Variants in DERA observed in about 807,000 individuals in gnomAD.
DERA encodes the protein deoxyribose-phosphate aldolase, also known as 2-deoxy-D-ribose 5-phosphate aldolase.
In DERA, 15 loss-of-function variants were observed where a neutral mutation model predicts 41.1. That is an observed-to-expected ratio of 0.37 (90% CI 0.24 to 0.56). The LOEUF (loss-of-function observed/expected upper bound fraction) is 0.56, where lower values mean the gene tolerates loss of function less well. Among genes scored for constraint, DERA ranks in the 20% least tolerant of loss-of-function variants. DERA has a pLI of 0.81. For synonymous variants in DERA, 139 were observed against 137.4 expected (o/e 1.01, Z -0.08); for missense variants, 396 against 403.4 (o/e 0.98, Z 0.16).
rs998761352 is a variant in DERA, at chr12:15,921,703, T to C, written c.31+10289T>C. On this transcript the variant is annotated intron_variant, in intron 1 of 8. Transcript: ENST00000428559. The surrounding 1 kb of genome is among the most constrained non-coding windows in gnomAD (Gnocchi z 5.3). ...TTGGGAATCTGAGGTGGGCAGATCA[T>C]CTGAGTTCAGGCATTCGAGACCAGC... Among the ~76,000 whole-genome samples the C allele has an allele frequency of 6.6e-6, 1 of 151,998 alleles. No individual in the cohort carries two copies. Among genetic ancestry groups the C allele is most frequent in the African/African-American group, 2.4e-5 (1 of 41,358 alleles).
chr12:16,036,030 C>G lies in DERA; in HGVS notation c.751-202C>G, dbSNP rs1195594397. Among the ~76,000 whole-genome samples, 1 of 152,246 alleles carries G rather than the reference C, an allele frequency of 6.6e-6. No homozygotes were observed. The highest frequency in any genetic ancestry group is 1.9e-4 in the East Asian group (1 of 5,186). ...GTGTCTGTTTGGAAGTAGTGACATT[C>G]TTCCAAAAATCTTGGAAAAGTTGTT... is the stretch of plus-strand genomic sequence containing the variant. On this transcript the variant is annotated intron_variant, in intron 7 of 8. Coordinates refer to ENST00000428559, the MANE Select transcript of DERA (RefSeq NM_015954.4). This position sits in a 1 kb window ranked among gnomAD's most constrained non-coding sequence, Gnocchi z 4.9.
At chr12:15,937,866 AG>A (rs1331405220) in intron 1 of DERA, among the ~76,000 whole-genome samples, 1 of 152,152 alleles carries the variant, frequency 6.6e-6, no homozygotes, top group Non-Finnish European at 1.5e-5. Context: ...TTTTTCATTA[AG>A]TTATGTGTTT....
chr12:15,919,067 T>A (rs186068987), intron 1 of DERA, among the ~76,000 whole-genome samples: 225 of 152,346 alleles, frequency 1.5e-3, no homozygotes, highest in East Asian at 9.6e-3. Context: ...TGGGGCATCC[T>A]TTTGTGAATG....
chr12:15,982,220 T>C lies in DERA; in HGVS notation c.509-88T>C. The C allele has an allele frequency of 7.7e-7, 1 of 1,301,980 alleles. No individual in the cohort carries two copies. Among genetic ancestry groups the C allele is most frequent in the Non-Finnish European group, 1.1e-6 (1 of 949,406 alleles). The allele number at this position is 1,301,980 out of a possible 1,614,324, so 80.7% of individuals were successfully genotyped here. A position where few individuals can be genotyped will look rare whatever the true frequency, so the allele number is the denominator to read the frequency against. ...ACAAATGTTTTATGTTTCCTAAATG[T>C]GAAATGGGTTCCACCAGCTCTAAAC... On this transcript the variant is annotated intron_variant, in intron 5 of 8. Transcript: ENST00000428559. The surrounding 1 kb of genome is among the most constrained non-coding windows in gnomAD (Gnocchi z 4.0).
chr12:16,017,633 C>CTGTTTTGTT lies in DERA; in HGVS notation c.638-14909_638-14908insTGTTTTGTT. ...TATATTGCCCTAAGTGATTTCCAAA[C>CTGTTTTGTT]CTATGTTGAACAAAAGAATACAATA... On this transcript the variant is annotated intron_variant, in intron 6 of 8. Transcript: ENST00000428559. This position sits in a 1 kb window ranked among gnomAD's most constrained non-coding sequence, Gnocchi z 5.5. Among the ~76,000 whole-genome samples, 2 of 152,254 alleles carry CTGTTTTGTT rather than the reference C, an allele frequency of 1.3e-5. No homozygotes were observed. Among genetic ancestry groups the CTGTTTTGTT allele is most frequent in the South Asian group, 4.2e-4 (2 of 4,818 alleles).
In DERA at chr12:16,018,965, A is replaced by G. The variant is rs189443663; in HGVS notation, c.638-13577A>G. ...AACATTTATAGGGATAGCTATTGTA[A>G]TTTGAGATATTTTCTCATAAGATTT... is the stretch of plus-strand genomic sequence containing the variant. On this transcript the variant is annotated intron_variant, in intron 6 of 8. Coordinates refer to ENST00000428559, the MANE Select transcript of DERA (RefSeq NM_015954.4). Among the ~76,000 whole-genome samples the G allele has an allele frequency of 3.3e-5, 5 of 152,262 alleles. No homozygotes were observed. The East Asian group carries it at 9.7e-4, about 29-fold the overall frequency.
intron 1 of DERA, among the ~76,000 whole-genome samples, chr12:15,920,426 C>G (rs759968254): frequency 6.6e-6 from 1 of 152,174 alleles, no homozygotes; most frequent in Non-Finnish European, 1.5e-5. Flanking sequence ...CGTTGCGTTA[C>G]CTTCTTTTCC....
rs199826055 is a variant in DERA at position 16,029,315 on chromosome 12, C to T, written c.638-3227C>T. On this transcript the variant is annotated intron_variant, in intron 6 of 8. Transcript: ENST00000428559. ...GCGGGCGCCTGTAGTCCCAGCTACT[C>T]GGGAGGCTGAGGCAGGAGAATGGCG... Among the ~76,000 whole-genome samples the T allele has an allele frequency of 1.9e-3, 281 of 151,868 alleles. 7 individuals carry two copies. The East Asian group carries it at 0.047, about 25-fold the overall frequency.
In DERA at chr12:15,925,822, C is replaced by CTTTTT. The variant is rs35956433; in HGVS notation, c.31+14427_31+14431dup. Among the ~76,000 whole-genome samples the CTTTTT allele has an allele frequency of 1.7e-3, 161 of 95,266 alleles. 6 individuals carry two copies. The highest frequency in any genetic ancestry group is 5.5e-3 in the African/African-American group (125 of 22,896). The allele number at this position is 95,266 out of a possible 152,430, so 62.5% of individuals were successfully genotyped here. ...GTGAGGCCCTCATCAACTCCTGAGG[C>CTTTTT]TTTTTTTTTTTTTTTTTTTTTTTGA... On this transcript the variant is annotated intron_variant, in intron 1 of 8. Coordinates refer to ENST00000428559, the MANE Select transcript of DERA (RefSeq NM_015954.4).
chr12:16,034,203 C>G (rs1216455501), intron 7 of DERA, among the ~76,000 whole-genome samples: 1 of 152,150 alleles, frequency 6.6e-6, no homozygotes, highest in Non-Finnish European at 1.5e-5. Context: ...CCATTGGGGA[C>G]CCAGTCCTGT....
chr12:16,036,405 G>A lies in DERA; in HGVS notation c.900+24G>A, dbSNP rs1260436281. 6.4e-7 allele frequency: 1 copy of A among 1,563,250 alleles called. No homozygotes were observed. The highest frequency in any genetic ancestry group is 8.6e-7 in the Non-Finnish European group (1 of 1,158,910). On this transcript the variant is annotated intron_variant, in intron 8 of 8. Transcript: ENST00000428559. The surrounding 1 kb of genome is among the most constrained non-coding windows in gnomAD (Gnocchi z 4.9). ...AGGTGAGTAATCATCTCTGTCTTTG[G>A]AATAAATTAACAAGTGTTTTTTGAG...
chr12:15,911,734 A>C lies in DERA; in HGVS notation c.31+320A>C. On this transcript the variant is annotated intron_variant, in intron 1 of 8. Transcript: ENST00000428559. The surrounding 1 kb of genome is among the most constrained non-coding windows in gnomAD (Gnocchi z 4.5). ...CAACAACCCAAAAAACAAAACCCAAAACAAACAACCCCCAAGCAGGTAAAA... is the reference window on the plus strand; with the variant it reads ...CAACAACCCAAAAAACAAAACCCAACACAAACAACCCCCAAGCAGGTAAAA... 3 of 612,452 alleles carry C rather than the reference A, an allele frequency of 4.9e-6. No individual in the cohort carries two copies. Among genetic ancestry groups the C allele is most frequent in the Non-Finnish European group, 9.1e-6 (3 of 328,178 alleles). The allele number at this position is 612,452 out of a possible 1,614,324, so 37.9% of individuals were successfully genotyped here. A position where few individuals can be genotyped will look rare whatever the true frequency, so the allele number is the denominator to read the frequency against.
Position 16,014,776 on chromosome 12 carries a change from G to A in DERA, c.638-17766G>A, listed in dbSNP as rs1016351102. Among the ~76,000 whole-genome samples the A allele has an allele frequency of 1.3e-5, 2 of 152,212 alleles. No homozygotes were observed. On this transcript the variant is annotated intron_variant, in intron 6 of 8. Transcript: ENST00000428559. This position sits in a 1 kb window ranked among gnomAD's most constrained non-coding sequence, Gnocchi z 5.4. ...GCACCGTGGGCTTGGAAAAGCCACA[G>A]ACACTCAATGCTAGCCCGTGAAAGC...
chr12:16,018,295 TC>T (rs1398673708), intron 6 of DERA, among the ~76,000 whole-genome samples: 1 of 152,210 alleles, frequency 6.6e-6, no homozygotes, highest in African/African-American at 2.4e-5. Flanking sequence ...TATTTTCCTC[TC>T]TTTGCAGTCT....
Position 15,956,959 on chromosome 12 carries a change from C to T in DERA, c.55C>T (p.Gln19Ter), listed in dbSNP as rs750926445. 1.2e-6 allele frequency: 2 copies of T among 1,613,894 alleles called. No homozygotes were observed. The highest frequency in any genetic ancestry group is 1.7e-6 in the Non-Finnish European group (2 of 1,179,808). Reference protein sequence around the residue: ...ELDLSWISKIQVNHPAVLRRA... With the variant: ...ELDLSWISKI Reference sequence around the variant, plus strand: ...AGACCTTAGCTGGATCTCCAAAATACAAGTGAATCACCCGGCAGTTCTGAG... The same window carrying T: ...AGACCTTAGCTGGATCTCCAAAATATAAGTGAATCACCCGGCAGTTCTGAG... Residue 19 changes from glutamine (Q) to a stop codon, truncating the protein, a stop_gained, in exon 2 of 9, where the codon CAA becomes TAA. Transcript: ENST00000428559. LOFTEE classifies it high-confidence loss of function.
chr12:15,960,635 TCAAAAA>T (rs1473995540), intron 4 of DERA, among the ~76,000 whole-genome samples: 1 of 20,512 alleles, frequency 4.9e-5, no homozygotes. Flanking sequence ...AGACTCCGTC[TCAAAAA>T]AAAAAAAAAA....
rs1302548116 is a variant in DERA at position 15,940,901 on chromosome 12, A to G, written c.32-16035A>G. ...GATATATAAATAGATAGATAGATAG[A>G]TATCTTTGGTTTCCATAGCACGTGG... On this transcript the variant is annotated intron_variant, in intron 1 of 8. Transcript: ENST00000428559. This position sits in a 1 kb window ranked among gnomAD's most constrained non-coding sequence, Gnocchi z 5.1. Among the ~76,000 whole-genome samples, 1 of 152,188 alleles carries G rather than the reference A, an allele frequency of 6.6e-6. No homozygotes were observed. Among genetic ancestry groups the G allele is most frequent in the African/African-American group, 2.4e-5 (1 of 41,446 alleles).
chr12:15,960,062 A>G, intron 4 of DERA, 138 bp downstream of exon 4: 2 of 612,544 alleles, frequency 3.3e-6, no homozygotes, highest in Non-Finnish European at 5.4e-6. Context: ...TCATGATTTT[A>G]GTATGTACTA....
rs183903633 is a variant in DERA, at chr12:15,931,973, G to C, written c.31+20559G>C. On this transcript the variant is annotated intron_variant, in intron 1 of 8. Transcript: ENST00000428559. The surrounding 1 kb of genome is among the most constrained non-coding windows in gnomAD (Gnocchi z 4.6). ...TGCCATGTTATGACTCAGCAGAAAA[G>C]CCCTTACCAAAAGCCAGCACCACAC... Among the ~76,000 whole-genome samples, 1 of 152,248 alleles carries C rather than the reference G, an allele frequency of 6.6e-6. No individual in the cohort carries two copies. The highest frequency in any genetic ancestry group is 1.9e-4 in the East Asian group (1 of 5,184).
Sources: allele counts gnomAD v4.1 joint callset (sites outside exome capture counted in the v4.1 genomes callset), GRCh38; gene constraint gnomAD v4.1.1; non-coding constraint Gnocchi (gnomAD v3.1); transcripts MANE v1.5; gene names NCBI Gene and HGNC (gene_info 2026-07-23, HGNC 2026-07-21).